CDC42SE2: variants seen among roughly 807,000 people sequenced by gnomAD.
CDC42SE2 encodes CDC42 small effector protein 2.
In CDC42SE2, 3 loss-of-function variants were observed where a neutral mutation model predicts 11.5. That is an observed-to-expected ratio of 0.26 (90% CI 0.12 to 0.67). The LOEUF (loss-of-function observed/expected upper bound fraction) is 0.67, where lower values mean the gene tolerates loss of function less well. CDC42SE2 is among the 30% of genes least tolerant of loss of function. The probability of loss-of-function intolerance (pLI) is 0.80; values close to 1 mark genes in which losing one functional copy is unlikely to be tolerated. For missense variants in CDC42SE2, 82 were observed against 106.8 expected (o/e 0.77, Z 1.02); for synonymous variants, 33 against 34.8 (o/e 0.95, Z 0.18).
At position 131,257,478 on chromosome 5, in the gene CDC42SE2, A is replaced by ATT. The variant is rs766082255; in HGVS notation, n.242+2265_242+2266dup. 1.9e-4 allele frequency among the ~76,000 whole-genome samples: 26 copies of ATT among 139,296 alleles called. No individual in the cohort carries two copies. In the South Asian group the frequency reaches 2.7e-3, roughly 15 times the overall value. 91.4% of individuals were successfully genotyped at this position (139,296 alleles called of 152,430 possible). A position where few individuals can be genotyped will look rare whatever the true frequency, so the allele number is the denominator to read the frequency against. On this transcript the variant is annotated intron_variant and non_coding_transcript_variant, in intron 2 of 3. Coordinates refer to the CDC42SE2 transcript ENST00000502840. The stretch of plus-strand genomic sequence containing the variant: ...GGCAAGATTTCTGTTCCACTTGCTA[A>ATT]TTTTTTTTTTTTTTTTTGAGACAGA...
intron 2 of CDC42SE2, among the ~76,000 whole-genome samples, chr5:131,335,393 G>A (rs1758531441): frequency 1.3e-5 from 2 of 152,144 alleles, no homozygotes; most frequent in Non-Finnish European, 2.9e-5. Flanking sequence ...CCAAGTATGT[G>A]GTCAATTTTG....
chr5:131,346,848 C>T (rs965750564), intron 2 of CDC42SE2, among the ~76,000 whole-genome samples: 1 of 152,188 alleles, frequency 6.6e-6, no homozygotes, highest in Non-Finnish European at 1.5e-5. Flanking sequence ...GATTAAGAAA[C>T]TCACTCAAAA....
chr5:131,268,601 C>T (rs1756922871), intron 1 of CDC42SE2, among the ~76,000 whole-genome samples: 1 of 151,628 alleles, frequency 6.6e-6, no homozygotes. Context: ...TACAGGCATG[C>T]ACCACCATGC....
intron 2 of CDC42SE2, among the ~76,000 whole-genome samples, chr5:131,338,851 A>G (rs1245450501): frequency 6.6e-6 from 1 of 152,184 alleles, no homozygotes; most frequent in Non-Finnish European, 1.5e-5. Flanking sequence ...TCCATGTGGT[A>G]CAGGAATCTC....
intron 1 of CDC42SE2, among the ~76,000 whole-genome samples, chr5:131,271,269 T>G (rs1217297225): frequency 6.6e-6 from 1 of 152,222 alleles, no homozygotes; most frequent in Non-Finnish European, 1.5e-5. Context: ...CACAATTTCA[T>G]TAATTCCACT....
At chr5:131,313,218 G>A (rs1757968758) in intron 1 of CDC42SE2, among the ~76,000 whole-genome samples, 1 of 152,064 alleles carries the variant, frequency 6.6e-6, no homozygotes, top group South Asian at 2.1e-4. Flanking sequence ...TCCTGACCTC[G>A]TGATCTGCCT....
chr5:131,385,418 G>A (rs2149788820), intron 3 of CDC42SE2, 125 bp from the exon 4 acceptor site: 1 of 573,144 alleles, frequency 1.7e-6, no homozygotes, highest in East Asian at 2.9e-5. Flanking sequence ...AGTAATTGTG[G>A]CAGTCTAAGA....
At chr5:131,342,859 T>C (rs888692647) in intron 2 of CDC42SE2, among the ~76,000 whole-genome samples, 2 of 151,956 alleles carry the variant, frequency 1.3e-5, no homozygotes, top group African/African-American at 4.8e-5. Flanking sequence ...ACTACAGGCA[T>C]GTGCCGCCAC....
At chr5:131,331,914 T>C (rs1758426324) in intron 2 of CDC42SE2, among the ~76,000 whole-genome samples, 1 of 152,228 alleles carries the variant, frequency 6.6e-6, no homozygotes, top group Non-Finnish European at 1.5e-5. Flanking sequence ...TCTCCAATAT[T>C]GTTCACGATT....
the CDC42SE2 span, among the ~76,000 whole-genome samples, chr5:131,236,767 T>C: frequency 6.6e-6 from 1 of 152,262 alleles, no homozygotes; most frequent in Non-Finnish European, 1.5e-5. Flanking sequence ...GTTGTTCTAA[T>C]GTACTAATTG....
At chr5:131,215,451 C>G in the CDC42SE2 span, among the ~76,000 whole-genome samples, 1 of 152,198 alleles carries the variant, frequency 6.6e-6, no homozygotes, top group Admixed American at 6.5e-5. Context: ...ATCTGGAATG[C>G]TATGAGCAGT....
chr5:131,298,217 C>T (rs890527996), intron 1 of CDC42SE2, among the ~76,000 whole-genome samples: 41 of 151,926 alleles, frequency 2.7e-4, no homozygotes, highest in African/African-American at 9.7e-4. Flanking sequence ...GTTCTCCTGC[C>T]TCAGCCTCCT....
At chr5:131,359,569 A>C (rs376654083) in intron 3 of CDC42SE2, 22 bp downstream of exon 3, 3 of 1,583,506 alleles carry the variant, frequency 1.9e-6, no homozygotes, top group African/African-American at 1.3e-5. Context: ...GTATGTGGAC[A>C]CATCAGGTGG....
At chr5:131,390,293 C>G (rs915078965) in intron 4 of CDC42SE2, among the ~76,000 whole-genome samples, 2 of 152,096 alleles carry the variant, frequency 1.3e-5, no homozygotes, top group Non-Finnish European at 2.9e-5. Context: ...CAATTTTATT[C>G]ATGCTTATTT....
At chr5:131,340,611 A>G (rs1758689753) in intron 2 of CDC42SE2, among the ~76,000 whole-genome samples, 1 of 152,138 alleles carries the variant, frequency 6.6e-6, no homozygotes, top group African/African-American at 2.4e-5. Context: ...GCAGTCTTAG[A>G]CAAACAACTG....
intron 1 of CDC42SE2, among the ~76,000 whole-genome samples, chr5:131,264,517 C>G (rs886850732): frequency 7.0e-6 from 1 of 143,732 alleles, no homozygotes; most frequent in African/African-American, 2.5e-5. Flanking sequence ...CAACTTTTCA[C>G]GTCTGGAAGT....
intron 3 of CDC42SE2, among the ~76,000 whole-genome samples, chr5:131,360,789 TC>T (rs1749684138): frequency 6.6e-6 from 1 of 152,112 alleles, no homozygotes. Context: ...TACACGTAAC[TC>T]CCAATCTCAA....
chr5:131,384,913 C>CAAAA (rs34252680), intron 3 of CDC42SE2, among the ~76,000 whole-genome samples: 7 of 72,080 alleles, frequency 9.7e-5, no homozygotes, highest in South Asian at 5.1e-4. Context: ...GACTCCATCT[C>CAAAA]AAAAAAAAAA....
chr5:131,218,258 G>C, the CDC42SE2 span, among the ~76,000 whole-genome samples: 1 of 151,614 alleles, frequency 6.6e-6, no homozygotes, highest in South Asian at 2.1e-4. Context: ...CTCACAGAAG[G>C]GGATATCTAA....
Sources: allele counts gnomAD v4.1 joint callset (sites outside exome capture counted in the v4.1 genomes callset), GRCh38; gene constraint gnomAD v4.1.1; transcripts MANE v1.5; gene names NCBI Gene and HGNC (gene_info 2026-07-23, HGNC 2026-07-21).